The following SMAP1 variants were observed in gnomAD, a reference collection of about 807,000 sequenced individuals.
The protein encoded by SMAP1 is small ArfGAP 1, also known as stromal membrane-associated protein 1.
Under a neutral mutation model 58.5 loss-of-function variants are expected in SMAP1, and 24 were observed. The ratio of observed to expected loss-of-function variants is 0.41; its 90% CI spans 0.30 to 0.58. SMAP1 has a LOEUF of 0.58. Among genes scored for constraint, SMAP1 ranks in the 20% least tolerant of loss-of-function variants. The pLI, the probability that SMAP1 is intolerant of heterozygous loss-of-function variation, is 0.29. For synonymous variants in SMAP1, 216 were observed against 196.6 expected (o/e 1.10, Z -0.82); for missense variants, 563 against 566.3 (o/e 0.99, Z 0.06).
intron 4 of SMAP1, among the ~76,000 whole-genome samples, chr6:70,789,952 A>G (rs1287535614): frequency 6.6e-6 from 1 of 152,098 alleles, no homozygotes; most frequent in Admixed American, 6.6e-5. Flanking sequence ...TCAGCTTATC[A>G]TCTTCTCAAA....
At position 70,675,141 on chromosome 6, in the gene SMAP1, TA is replaced by T. The variant is rs79670208; in HGVS notation, c.118+7015del. Reference sequence around the variant, plus strand: ...AGCTCCATTGTGACCTGGAGAATGTTAAAAAAAAAAAAAAAGCAAATAATAA... The same window carrying T: ...AGCTCCATTGTGACCTGGAGAATGTTAAAAAAAAAAAAAAGCAAATAATAA... On this transcript the variant is annotated intron_variant, in intron 1 of 10. Transcript: ENST00000370455. Among the ~76,000 whole-genome samples the T allele has an allele frequency of 9.6e-3, 1,176 of 122,192 alleles. 3 individuals carry two copies. The highest frequency in any genetic ancestry group is 0.015 in the Non-Finnish European group (878 of 58,144). 80.2% of individuals were successfully genotyped at this position (122,192 alleles called of 152,430 possible).
At chr6:70,790,018 CT>C (rs1397090831) in intron 4 of SMAP1, among the ~76,000 whole-genome samples, 1 of 152,208 alleles carries the variant, frequency 6.6e-6, no homozygotes, top group African/African-American at 2.4e-5. Flanking sequence ...GGATTAGTAA[CT>C]TTTGACATAC....
intron 1 of SMAP1, among the ~76,000 whole-genome samples, chr6:70,702,641 C>CTTCT (rs765939753): frequency 6.9e-6 from 1 of 144,586 alleles, no homozygotes; most frequent in Non-Finnish European, 1.5e-5. Context: ...TCTTCTTCTT[C>CTTCT]TTTTTTTTTT....
At chr6:70,690,420 C>T (rs1767113108) in intron 1 of SMAP1, among the ~76,000 whole-genome samples, 2 of 151,980 alleles carry the variant, frequency 1.3e-5, no homozygotes, top group African/African-American at 4.8e-5. Flanking sequence ...GATTCTCCTG[C>T]CTCAGCCTCC....
At chr6:70,810,417 T>C (rs1769336201) in intron 6 of SMAP1, among the ~76,000 whole-genome samples, 1 of 152,220 alleles carries the variant, frequency 6.6e-6, no homozygotes, top group Non-Finnish European at 1.5e-5. Flanking sequence ...AAAAAATTAA[T>C]GTTACCACTT....
chr6:70,742,452 C>T lies in SMAP1; in HGVS notation c.252+9941C>T, dbSNP rs575305392. ...CAAGAGTCACCTTTACTCCGGTTCC[C>T]AACAAGTTCCTCATCTCCATCTGAG... On this transcript the variant is annotated intron_variant, in intron 2 of 10. Coordinates refer to ENST00000370455, the MANE Select transcript of SMAP1 (RefSeq NM_001044305.3). Among the ~76,000 whole-genome samples the T allele has an allele frequency of 6.0e-4, 91 of 152,310 alleles. 1 individual carries two copies. Among genetic ancestry groups the T allele is most frequent in the African/African-American group, 2.2e-3 (91 of 41,572 alleles).
At chr6:70,777,180 T>C (rs1313014282) in intron 4 of SMAP1, among the ~76,000 whole-genome samples, 1 of 152,198 alleles carries the variant, frequency 6.6e-6, no homozygotes, top group African/African-American at 2.4e-5. Flanking sequence ...CCATTCTAAC[T>C]GTGGTAAGAT....
chr6:70,730,547 G>A (rs1765390744), intron 1 of SMAP1, among the ~76,000 whole-genome samples: 3 of 152,222 alleles, frequency 2.0e-5, no homozygotes, highest in Non-Finnish European at 2.9e-5. Flanking sequence ...TCTATCTAGA[G>A]TTGTCACAGA....
At chr6:70,815,130 A>G (rs1005727266) in intron 6 of SMAP1, among the ~76,000 whole-genome samples, 2 of 152,128 alleles carry the variant, frequency 1.3e-5, no homozygotes, top group African/African-American at 2.4e-5. Context: ...AAGTGGTACT[A>G]TGCTGATTAA....
intron 1 of SMAP1, among the ~76,000 whole-genome samples, chr6:70,687,336 T>G (rs935411392): frequency 9.2e-5 from 14 of 152,192 alleles, no homozygotes; most frequent in African/African-American, 3.4e-4. Flanking sequence ...AAAAAACAAT[T>G]CCAATTAACC....
At chr6:70,717,335 C>T (rs190274466) in intron 1 of SMAP1, among the ~76,000 whole-genome samples, 7 of 152,290 alleles carry the variant, frequency 4.6e-5, no homozygotes, top group East Asian at 1.9e-4. Context: ...GGAAAACTCA[C>T]GAATACCAAG....
At chr6:70,739,775 C>G (rs1466072531) in intron 2 of SMAP1, among the ~76,000 whole-genome samples, 1 of 151,900 alleles carries the variant, frequency 6.6e-6, no homozygotes, top group East Asian at 1.9e-4. Flanking sequence ...CTTTTTGTTA[C>G]TTTTTTAAAT....
At chr6:70,735,104 T>G (rs528147535) in intron 2 of SMAP1, 1 of 152,366 alleles carries the variant, frequency 6.6e-6, no homozygotes, top group Non-Finnish European at 1.5e-5. Context: ...GTAATTGTTT[T>G]ACTCTGAAAA....
chr6:70,738,052 A>G (rs1056136182), intron 2 of SMAP1, among the ~76,000 whole-genome samples: 8 of 151,964 alleles, frequency 5.3e-5, no homozygotes, highest in African/African-American at 1.9e-4. Flanking sequence ...AGGTTGGTTT[A>G]CTCTTAACTG....
intron 1 of SMAP1, among the ~76,000 whole-genome samples, chr6:70,717,553 A>T (rs1409742199): frequency 1.3e-5 from 2 of 152,118 alleles, no homozygotes; most frequent in Non-Finnish European, 2.9e-5. Context: ...TTGGATGTGG[A>T]TGTTTTCTCA....
intron 2 of SMAP1, among the ~76,000 whole-genome samples, chr6:70,754,459 G>A (rs1293787112): frequency 6.6e-6 from 1 of 151,894 alleles, no homozygotes; most frequent in African/African-American, 2.4e-5. Flanking sequence ...CTCCTCAAAG[G>A]GATTATTATT....
At position 70,667,974 on chromosome 6, in the gene SMAP1, A is replaced by T; in HGVS notation, c.-50A>T. On this transcript the variant is annotated 5_prime_UTR_variant, in exon 1 of 11. Transcript: ENST00000370455. Reference sequence around the variant, plus strand: ...GCGTTCACTCTGCCCGGCTCCAGCCAGCGTCCGCCGCCGCCGTAGCTGCCC... The same window carrying T: ...GCGTTCACTCTGCCCGGCTCCAGCCTGCGTCCGCCGCCGCCGTAGCTGCCC... 1 of 1,495,716 alleles carries T rather than the reference A, an allele frequency of 6.7e-7. No individual in the cohort carries two copies. Among genetic ancestry groups the T allele is most frequent in the East Asian group, 2.6e-5 (1 of 38,100 alleles). 92.7% of individuals were successfully genotyped at this position (1,495,716 alleles called of 1,614,324 possible).
chr6:70,857,933 G>A lies in SMAP1; in HGVS notation c.973G>A (p.Gly325Arg), dbSNP rs1771503265. 6.2e-7 allele frequency: 1 copy of A among 1,613,708 alleles called. No homozygotes were observed. The highest frequency in any genetic ancestry group is 1.3e-5 in the African/African-American group (1 of 74,878). The change falls in exon 10 of 11, where the codon GGA (glycine) becomes AGA (arginine). Residue 325 changes from glycine (G) to arginine (R), a missense_variant. Transcript: ENST00000370455. ...TTTTTGTGGTGCAGGTGTATTTATG[G>A]GACCCACAAATATACCATTTACCTC... is the stretch of plus-strand genomic sequence containing the variant. Reference protein sequence around the residue: ...QQQSTPGVFMGPTNIPFTSQA... With the variant: ...QQQSTPGVFMRPTNIPFTSQA...
At chr6:70,707,867 C>T (rs890682784) in intron 1 of SMAP1, among the ~76,000 whole-genome samples, 4 of 152,158 alleles carry the variant, frequency 2.6e-5, no homozygotes, top group African/African-American at 9.7e-5. Flanking sequence ...AGCTGTACAG[C>T]ATGACATTTT....
Sources: gnomAD v4.1 joint callset for allele counts (sites outside exome capture counted in the v4.1 genomes callset) on GRCh38, gnomAD v4.1.1 for gene constraint, MANE v1.5 for transcripts, NCBI Gene and HGNC (gene_info 2026-07-23, HGNC 2026-07-21) for gene names.